ARFGEF3: variants seen among roughly 807,000 people sequenced by gnomAD.
ARFGEF3 encodes brefeldin A-inhibited guanine nucleotide-exchange protein 3.
ARFGEF3 carries 96 observed loss-of-function variants against 221.7 expected under a neutral mutation model. The ratio of observed to expected loss-of-function variants is 0.43; its 90% confidence interval spans 0.37 to 0.51. ARFGEF3 has a LOEUF of 0.51. Among genes scored for constraint, ARFGEF3 ranks in the 20% least tolerant of loss-of-function variants. ARFGEF3 has a pLI of 0.00. For synonymous variants in ARFGEF3, 1,145 were observed against 1,126.8 expected (o/e 1.02, Z -0.32); for missense variants, 2,410 against 2,789.9 (o/e 0.86, Z 3.07).
intron 29 of ARFGEF3, 51 bp from the exon 30 acceptor site, chr6:138,323,619 CA>C: frequency 6.4e-7 from 1 of 1,557,746 alleles, no homozygotes. Flanking sequence ...CTGAAAAAAA[CA>C]AACAACAACA....
intron 12 of ARFGEF3, among the ~76,000 whole-genome samples, chr6:138,274,570 G>A (rs1475882202): frequency 4.0e-5 from 6 of 151,806 alleles, no homozygotes; most frequent in African/African-American, 1.5e-4. Context: ...AGGCCAAGGC[G>A]GGTGGATCCC....
At chr6:138,231,480 C>G (rs1778191204) in intron 5 of ARFGEF3, among the ~76,000 whole-genome samples, 1 of 152,148 alleles carries the variant, frequency 6.6e-6, no homozygotes, top group Non-Finnish European at 1.5e-5. Context: ...CATGTTTGCT[C>G]TCTGTAGATG....
chr6:138,173,959 A>G (rs1776888331), intron 2 of ARFGEF3, among the ~76,000 whole-genome samples: 3 of 152,246 alleles, frequency 2.0e-5, no homozygotes, highest in South Asian at 4.1e-4. Flanking sequence ...AATGGACATT[A>G]TTATGTTTCA....
intron 4 of ARFGEF3, among the ~76,000 whole-genome samples, chr6:138,214,930 C>G (rs568428546): frequency 1.3e-5 from 2 of 152,176 alleles, no homozygotes; most frequent in African/African-American, 4.8e-5. Context: ...CTATGGAACC[C>G]AAAGAAAAGT....
rs189312459 is a variant in ARFGEF3 at position 138,203,030 on chromosome 6, G to A, written c.138-4012G>A. Among the ~76,000 whole-genome samples the A allele has an allele frequency of 7.0e-3, 1,060 of 152,240 alleles. 6 individuals carry two copies. Among genetic ancestry groups the A allele is most frequent in the Non-Finnish European group, 0.013 (855 of 68,026 alleles). ...ATACAGACCTTGAATGTTGAGCAGA[G>A]CTCTTTACCCTAAGGATAGGGACTC... On this transcript the variant is annotated intron_variant, in intron 2 of 33. Coordinates refer to ENST00000251691, the MANE Select transcript of ARFGEF3 (RefSeq NM_020340.5).
At chr6:138,270,158 A>G (rs1233452007) in intron 12 of ARFGEF3, among the ~76,000 whole-genome samples, 1 of 152,168 alleles carries the variant, frequency 6.6e-6, no homozygotes, top group Non-Finnish European at 1.5e-5. Context: ...CTCCTAGGAG[A>G]CAGGGCACAT....
At chr6:138,168,725 G>A (rs1776768445) in intron 1 of ARFGEF3, among the ~76,000 whole-genome samples, 1 of 152,194 alleles carries the variant, frequency 6.6e-6, no homozygotes. Context: ...CACTCGGAGT[G>A]ACCTCTCCTT....
At chr6:138,328,205 T>G (rs1780160438) in intron 32 of ARFGEF3, 63 bp downstream of exon 32, 3 of 1,491,904 alleles carry the variant, frequency 2.0e-6, no homozygotes, top group Non-Finnish European at 2.7e-6. Context: ...CACTTCCAGT[T>G]CTCACACATT....
chr6:138,256,169 G>A (rs1464161196), intron 10 of ARFGEF3, among the ~76,000 whole-genome samples: 1 of 152,146 alleles, frequency 6.6e-6, no homozygotes, highest in East Asian at 1.9e-4. Flanking sequence ...CAACAAAAGA[G>A]CTCTGCCAGT....
At chr6:138,226,984 C>T (rs1487555490) in intron 4 of ARFGEF3, among the ~76,000 whole-genome samples, 1 of 152,048 alleles carries the variant, frequency 6.6e-6, no homozygotes, top group East Asian at 1.9e-4. Flanking sequence ...AAGGAACTGG[C>T]TCCGTTAATG....
intron 2 of ARFGEF3, among the ~76,000 whole-genome samples, chr6:138,189,374 G>A (rs989949542): frequency 4.6e-5 from 7 of 152,186 alleles, no homozygotes; most frequent in Non-Finnish European, 8.8e-5. Flanking sequence ...ACTTTATAGA[G>A]AGGAGACTGA....
chr6:138,274,006 A>G (rs1406884224), intron 12 of ARFGEF3, among the ~76,000 whole-genome samples: 2 of 152,228 alleles, frequency 1.3e-5, no homozygotes, highest in Admixed American at 1.3e-4. Flanking sequence ...AGGTAACCTG[A>G]CAAAGTCTTT....
intron 8 of ARFGEF3, among the ~76,000 whole-genome samples, chr6:138,252,842 C>T (rs935599843): frequency 1.3e-5 from 2 of 152,166 alleles, no homozygotes; most frequent in African/African-American, 4.8e-5. Flanking sequence ...TTAAATTCTT[C>T]CTTAGCCCTA....
chr6:138,342,440 T>C lies in ARFGEF3; in HGVS notation c.*5954T>C, dbSNP rs1381210888. On this transcript the variant is annotated 3_prime_UTR_variant, in exon 34 of 34. Coordinates refer to ENST00000251691, the MANE Select transcript of ARFGEF3 (RefSeq NM_020340.5). ...TTCTATACAGCAGTCTTGCTCAATC[T>C]TCCCAGTTTCCAGTTTTATTATACC... The C allele has an allele frequency of 1.3e-5, 2 of 152,226 alleles. No homozygotes were observed. The highest frequency in any genetic ancestry group is 2.9e-5 in the Non-Finnish European group (2 of 68,042). The allele number at this position is 152,226 out of a possible 1,614,324, so 9.4% of individuals were successfully genotyped here.
At chr6:138,255,371 C>A in intron 9 of ARFGEF3, 65 bp from the exon 10 acceptor site, 2 of 1,209,782 alleles carry the variant, frequency 1.7e-6, no homozygotes, top group Non-Finnish European at 2.4e-6. Flanking sequence ...CATCTGTTTA[C>A]TCGCAGAGTA....
intron 9 of ARFGEF3, among the ~76,000 whole-genome samples, chr6:138,254,187 C>T (rs1778632096): frequency 6.6e-6 from 1 of 152,022 alleles, no homozygotes; most frequent in Non-Finnish European, 1.5e-5. Context: ...GAGGCCGAGG[C>T]AGGCATATTG....
chr6:138,313,401 A>C (rs1779864720), intron 25 of ARFGEF3, among the ~76,000 whole-genome samples: 1 of 149,652 alleles, frequency 6.7e-6, no homozygotes, highest in Non-Finnish European at 1.5e-5. Context: ...GAGAAATCAG[A>C]GTCTGGTATC....
At chr6:138,299,545 T>G (rs1214428491) in intron 22 of ARFGEF3, among the ~76,000 whole-genome samples, 1 of 151,664 alleles carries the variant, frequency 6.6e-6, no homozygotes. Flanking sequence ...TGAATAGAGG[T>G]TTAAACATTT....
chr6:138,344,526 T>G lies in ARFGEF3; in HGVS notation c.*8040T>G, dbSNP rs1165443101. The G allele has an allele frequency of 1.3e-5, 2 of 152,162 alleles. No individual in the cohort carries two copies. The highest frequency in any genetic ancestry group is 2.9e-5 in the Non-Finnish European group (2 of 68,022). The allele number at this position is 152,162 out of a possible 1,614,324, so 9.4% of individuals were successfully genotyped here. A position where few individuals can be genotyped will look rare whatever the true frequency, so the allele number is the denominator to read the frequency against. On this transcript the variant is annotated 3_prime_UTR_variant, in exon 34 of 34. Coordinates refer to ENST00000251691, the MANE Select transcript of ARFGEF3 (RefSeq NM_020340.5). Reference sequence around the variant, plus strand: ...TATTTTGTGTACATTTTATCTGAGGTGGAAATGAAAATTCTAAAGAGAAAA... The same window carrying G: ...TATTTTGTGTACATTTTATCTGAGGGGGAAATGAAAATTCTAAAGAGAAAA...
Sources: gnomAD v4.1 joint callset for allele counts (sites outside exome capture counted in the v4.1 genomes callset) on GRCh38, gnomAD v4.1.1 for gene constraint, MANE v1.5 for transcripts, NCBI Gene and HGNC (gene_info 2026-07-23, HGNC 2026-07-21) for gene names.